Variants in ADCY9 observed in about 807,000 individuals in gnomAD.
ADCY9 encodes the protein adenylate cyclase 9, also known as adenylate cyclase type 9.
A neutral mutation model predicts 101.5 loss-of-function variants in ADCY9; 50 were observed. The ratio of observed to expected loss-of-function variants is 0.49; its 90% CI spans 0.39 to 0.62. The LOEUF is 0.62. Ranked by LOEUF, ADCY9 falls within the 20% of genes least tolerant of loss-of-function variation. The pLI is 0.00. For missense variants in ADCY9, 1,662 were observed against 1,800.4 expected, an observed-to-expected ratio of 0.92 and a Z score of 1.39; for synonymous variants, 905 against 769.3, an observed-to-expected ratio of 1.18 and a Z score of -2.92.
intron 10 of ADCY9, among the ~76,000 whole-genome samples, chr16:3,969,864 C>T (rs2056036024): frequency 6.6e-6 from 1 of 151,694 alleles, no homozygotes; most frequent in Non-Finnish European, 1.5e-5. Context: ...TGTTCTGCTT[C>T]TGCCTCCCCA....
intron 2 of ADCY9, among the ~76,000 whole-genome samples, chr16:4,089,431 G>T (rs1033211364): frequency 6.6e-6 from 1 of 152,066 alleles, no homozygotes; most frequent in East Asian, 1.9e-4. Flanking sequence ...CTACAGAGGT[G>T]CTACGTTTTG....
chr16:4,036,048 C>G lies in ADCY9; in HGVS notation c.1694-28490G>C, dbSNP rs541444902. Among the ~76,000 whole-genome samples the G allele has an allele frequency of 3.4e-4, 51 of 149,768 alleles. 1 individual carries two copies. Among genetic ancestry groups the G allele is most frequent in the African/African-American group, 1.1e-3 (45 of 41,036 alleles). Reference sequence around the variant, plus strand: ...AAAGATTCCAAGGGGCCCCAGCCCCCCTCCCTTCACTAAAGACAAGCCAGC... The same window carrying G: ...AAAGATTCCAAGGGGCCCCAGCCCCGCTCCCTTCACTAAAGACAAGCCAGC... On this transcript the variant is annotated intron_variant, in intron 2 of 10. Coordinates refer to ENST00000294016, the MANE Select transcript of ADCY9 (RefSeq NM_001116.4).
rs776103445 is a variant in ADCY9, at chr16:3,965,778, C to T, written c.4059G>A (p.Val1353=). 2.5e-6 allele frequency: 4 copies of T among 1,609,422 alleles called. No homozygotes were observed. The highest frequency in any genetic ancestry group is 3.4e-6 in the Non-Finnish European group (4 of 1,177,244). Residue 1353 remains valine, a synonymous_variant, in exon 11 of 11, where the codon GTG becomes GTA. Coordinates refer to ENST00000294016, the MANE Select transcript of ADCY9 (RefSeq NM_001116.4). ...CGGGCAGCGGGTGGGCGCCGCCTCA[C>T]ACACTCTTTGAAACGTTGAGCTTGG... ...ELTKLNVSKS[V] is the part of the protein sequence containing the mutation.
Position 3,983,321 on chromosome 16 carries a change from C to G in ADCY9, c.2430G>C (p.Glu810Asp). The G allele has an allele frequency of 6.3e-7, 1 of 1,577,780 alleles. No homozygotes were observed. Among genetic ancestry groups the G allele is most frequent in the Non-Finnish European group, 8.6e-7 (1 of 1,162,354 alleles). Residue 810 changes from glutamate to aspartate, a missense_variant, in exon 7 of 11, where the codon GAG becomes GAC. Physicochemically the swap from Glu to Asp is conservative, Grantham distance 45. Transcript: ENST00000294016. ...TLSTTCFLKYEAATVPPPPAA... is the reference protein window; with the variant it reads ...TLSTTCFLKYDAATVPPPPAA... Reference sequence around the variant, plus strand: ...CGGGCGGGGGAGGCACGGTGGCCGCCTCGTACTTCAGGAAGCAGGTGGTGG... The same window carrying G: ...CGGGCGGGGGAGGCACGGTGGCCGCGTCGTACTTCAGGAAGCAGGTGGTGG...
rs2055955659 is a variant in ADCY9, at chr16:3,963,310, C to T, written c.*2465G>A. On this transcript the variant is annotated 3_prime_UTR_variant, in exon 11 of 11. Coordinates refer to ENST00000294016, the MANE Select transcript of ADCY9 (RefSeq NM_001116.4). ...ATGCCGTCAGCAGCCCTCGTGCCAG[C>T]TGCTTAGAAACTCGTGTCTCCAGCA... 1 of 398,694 alleles carries T rather than the reference C, an allele frequency of 2.5e-6. No individual in the cohort carries two copies. Among genetic ancestry groups the T allele is most frequent in the African/African-American group, 2.1e-5 (1 of 48,546 alleles). The allele number at this position is 398,694 out of a possible 1,614,324, so 24.7% of individuals were successfully genotyped here.
intron 2 of ADCY9, among the ~76,000 whole-genome samples, chr16:4,054,583 T>C (rs966806793): frequency 3.9e-5 from 6 of 152,080 alleles, no homozygotes; most frequent in African/African-American, 1.2e-4. Context: ...TTCTTTTTTT[T>C]TTTTTGAGAC....
At chr16:4,034,738 A>G (rs571761488) in intron 2 of ADCY9, among the ~76,000 whole-genome samples, 23 of 152,222 alleles carry the variant, frequency 1.5e-4, no homozygotes, top group African/African-American at 5.5e-4. Flanking sequence ...TTTACATTCT[A>G]TCTGAGTGGT....
rs1597151780 is a variant in ADCY9 at position 3,993,625 on chromosome 16, G to A, written c.1885-115C>T. The stretch of plus-strand genomic sequence containing the variant: ...CACGCAGCATGGTGGTGAGCAAGGG[G>A]AAGGCACACAGAACCGCTCGGGGAT... On this transcript the variant is annotated intron_variant, in intron 3 of 10. Transcript: ENST00000294016. 5 of 1,349,228 alleles carry A rather than the reference G, an allele frequency of 3.7e-6. No homozygotes were observed. The East Asian group carries it at 1.2e-4, about 32-fold the overall frequency. The allele number at this position is 1,349,228 out of a possible 1,614,324, so 83.6% of individuals were successfully genotyped here.
chr16:3,990,205 T>C (rs2056232935), intron 5 of ADCY9, among the ~76,000 whole-genome samples: 1 of 152,136 alleles, frequency 6.6e-6, no homozygotes, highest in Non-Finnish European at 1.5e-5. Flanking sequence ...TGGCTCATCC[T>C]TGTAATCCCC....
intron 8 of ADCY9, among the ~76,000 whole-genome samples, 164 bp from the exon 9 acceptor site, chr16:3,977,794 G>A (rs2141683497): frequency 6.6e-6 from 1 of 152,198 alleles, no homozygotes; most frequent in East Asian, 1.9e-4. Context: ...TCAGCTCACT[G>A]CAACCTCTGC....
At position 4,091,947 on chromosome 16, in the gene ADCY9, A is replaced by G. The variant is rs113255019; in HGVS notation, c.1693+21803T>C. On this transcript the variant is annotated intron_variant, in intron 2 of 10. Transcript: ENST00000294016. ...CACTGAACTGTTCACCTTAAAAATC[A>G]TTAAGTTATGTGAATTTAGCTTCAA... 2.0e-3 allele frequency among the ~76,000 whole-genome samples: 298 copies of G among 152,320 alleles called. 1 individual carries two copies. Among genetic ancestry groups the G allele is most frequent in the African/African-American group, 6.7e-3 (280 of 41,576 alleles).
intron 2 of ADCY9, among the ~76,000 whole-genome samples, chr16:4,093,598 A>G (rs566407808): frequency 6.6e-6 from 1 of 152,238 alleles, no homozygotes; most frequent in East Asian, 1.9e-4. Context: ...CTCTACAAAA[A>G]ATACAAAAAT....
chr16:4,063,605 G>T (rs1001075452), intron 2 of ADCY9, among the ~76,000 whole-genome samples: 6 of 152,038 alleles, frequency 3.9e-5, no homozygotes, highest in Non-Finnish European at 7.4e-5. Context: ...TCAGCTCCTT[G>T]GGGGGCTGAG....
chr16:4,091,763 T>C (rs1172457182), intron 2 of ADCY9, among the ~76,000 whole-genome samples: 3 of 152,214 alleles, frequency 2.0e-5, no homozygotes, highest in Non-Finnish European at 4.4e-5. Context: ...CGGTAAATCC[T>C]GCAGATGCAA....
intron 6 of ADCY9, among the ~76,000 whole-genome samples, chr16:3,987,739 G>A (rs939805633): frequency 6.6e-6 from 1 of 152,180 alleles, no homozygotes; most frequent in African/African-American, 2.4e-5. Context: ...CCCAAGCCAG[G>A]ACACCACGGA....
rs2238433 is a variant in ADCY9 at position 3,964,205 on chromosome 16, A to T, written c.*1570T>A. 16,032 of 152,332 alleles carry T rather than the reference A, an allele frequency of 0.11. 1,664 individuals carry two copies. Among genetic ancestry groups the T allele is most frequent in the African/African-American group, 0.26 (10,801 of 41,520 alleles). 9.4% of individuals were successfully genotyped at this position (152,332 alleles called of 1,614,324 possible). ...GCGGAAAGCAAAATGCACAGGGACA[A>T]CGGGCAAGACTGACAAGGAGTGCAC... On this transcript the variant is annotated 3_prime_UTR_variant, in exon 11 of 11. Transcript: ENST00000294016.
At chr16:3,989,170 G>T in intron 5 of ADCY9, 74 bp from the exon 6 acceptor site, 1 of 1,176,678 alleles carries the variant, frequency 8.5e-7, no homozygotes, top group Non-Finnish European at 1.3e-6. Flanking sequence ...ATCATAATTA[G>T]CTACCAAAAC....
At chr16:3,978,130 T>C (rs991907404) in intron 8 of ADCY9, among the ~76,000 whole-genome samples, 5 of 152,202 alleles carry the variant, frequency 3.3e-5, no homozygotes, top group Admixed American at 6.5e-5. Flanking sequence ...ATCAAGCCTC[T>C]AGGTTCCCTA....
intron 2 of ADCY9, among the ~76,000 whole-genome samples, chr16:4,073,377 G>C (rs1049251226): frequency 4.0e-5 from 6 of 150,442 alleles, no homozygotes; most frequent in Non-Finnish European, 7.4e-5. Flanking sequence ...ATGAGTCACC[G>C]CACCCAGCCC....
Sources: gnomAD v4.1 joint callset for allele counts (sites outside exome capture counted in the v4.1 genomes callset) on GRCh38, gnomAD v4.1.1 for gene constraint, MANE v1.5 for transcripts, NCBI Gene and HGNC (gene_info 2026-07-23, HGNC 2026-07-21) for gene names.